Variants in ABHD12 observed in about 807,000 individuals in gnomAD.
The protein encoded by ABHD12 is abhydrolase domain containing 12, lysophospholipase, also known as lysophosphatidylserine lipase ABHD12.
A neutral mutation model predicts 58.3 loss-of-function variants in ABHD12; 43 were observed. That is an observed-to-expected ratio of 0.74 (90% CI 0.58 to 0.95). ABHD12 has a LOEUF of 0.95. Ranked by LOEUF, ABHD12 falls within the 40% of genes least tolerant of loss-of-function variation. ABHD12 has a pLI of 0.00. For synonymous variants in ABHD12, 219 were observed against 211.2 expected, an observed-to-expected ratio of 1.04 and a Z score of -0.32; for missense variants, 539 against 537.2, an observed-to-expected ratio of 1.00 and a Z score of -0.03.
In ABHD12 at chr20:25,390,508, C is replaced by G. The variant is rs1568785275; in HGVS notation, c.191+5G>C. On this transcript the variant is annotated splice_donor_5th_base_variant and intron_variant, in intron 1 of 12. Transcript: ENST00000339157. ...CCCCCCCCCCCGCTCCGCGCGAAGC[C>G]TCACCTGCCCAGCGCCCGCTTCATT... 6.9e-7 allele frequency: 1 copy of G among 1,440,038 alleles called. No homozygotes were observed. Among genetic ancestry groups the G allele is most frequent in the South Asian group, 1.3e-5 (1 of 76,092 alleles). The allele number at this position is 1,440,038 out of a possible 1,614,324, so 89.2% of individuals were successfully genotyped here.
intron 1 of ABHD12, among the ~76,000 whole-genome samples, chr20:25,358,946 G>A (rs915653996): frequency 6.6e-6 from 1 of 152,012 alleles, no homozygotes; most frequent in Non-Finnish European, 1.5e-5. Context: ...AAAAATATAG[G>A]TGTATGAACA....
chr20:25,363,311 C>G (rs959588829), intron 1 of ABHD12, among the ~76,000 whole-genome samples: 7 of 151,336 alleles, frequency 4.6e-5, no homozygotes, highest in Admixed American at 2.6e-4. Context: ...CTCCGCCTCC[C>G]AGGTTCAAAT....
At chr20:25,345,086 CTTT>C (rs766065775) in intron 1 of ABHD12, among the ~76,000 whole-genome samples, 1 of 145,324 alleles carries the variant, frequency 6.9e-6, no homozygotes, top group South Asian at 2.2e-4. Flanking sequence ...ATGACGAAGA[CTTT>C]TTTTTTTTTT....
chr20:25,322,381 A>ATATATATATATATATATTTTTT, intron 3 of ABHD12, among the ~76,000 whole-genome samples: 14 of 59,248 alleles, frequency 2.4e-4, no homozygotes, highest in African/African-American at 3.3e-4. Flanking sequence ...ATATATATAT[A>ATATATATATATATATATTTTTT]TTTTTTTTTT....
At chr20:25,355,837 G>C (rs1461671059) in intron 1 of ABHD12, among the ~76,000 whole-genome samples, 1 of 151,026 alleles carries the variant, frequency 6.6e-6, no homozygotes, top group Admixed American at 6.6e-5. Context: ...GATTACAGGC[G>C]TGAGCCACTG....
At chr20:25,311,252 C>A (rs1433206772) in intron 6 of ABHD12, among the ~76,000 whole-genome samples, 1 of 152,190 alleles carries the variant, frequency 6.6e-6, no homozygotes, top group Non-Finnish European at 1.5e-5. Context: ...CCTGGACAAG[C>A]TGGGTGGGCC....
At chr20:25,331,146 C>T (rs2089267646) in intron 2 of ABHD12, among the ~76,000 whole-genome samples, 1 of 152,146 alleles carries the variant, frequency 6.6e-6, no homozygotes, top group African/African-American at 2.4e-5. Flanking sequence ...AAAACCAAGG[C>T]TCGAGAACTA....
At chr20:25,328,993 A>G (rs2089222171) in intron 2 of ABHD12, among the ~76,000 whole-genome samples, 1 of 152,200 alleles carries the variant, frequency 6.6e-6, no homozygotes. Context: ...ATGAGTGGTG[A>G]GACGGGTTGG....
At position 25,325,203 on chromosome 20, in the gene ABHD12, CAAAAAAA is replaced by C. The variant is rs376306392; in HGVS notation, c.317-1780_317-1774del. 9.2e-5 allele frequency among the ~76,000 whole-genome samples: 7 copies of C among 76,450 alleles called. No individual in the cohort carries two copies. In the East Asian group the frequency reaches 1.6e-3, roughly 18 times the overall value. The allele number at this position is 76,450 out of a possible 152,430, so 50.2% of individuals were successfully genotyped here. On this transcript the variant is annotated intron_variant, in intron 2 of 12. Transcript: ENST00000339157. ...CCTGAGTGACAGAGAGACCCTGTTTCAAAAAAAAAAAAAAAAAAAAAAAAAAAGAACT... is the reference window on the plus strand; with the variant it reads ...CCTGAGTGACAGAGAGACCCTGTTTCAAAAAAAAAAAAAAAAAAAAGAACT...
At chr20:25,354,065 C>T (rs771196220) in intron 1 of ABHD12, among the ~76,000 whole-genome samples, 4 of 152,128 alleles carry the variant, frequency 2.6e-5, no homozygotes, top group Admixed American at 6.6e-5. Context: ...CATCCTGGAG[C>T]GGCCAAATAA....
At chr20:25,390,413 T>C (rs1441817996) in intron 1 of ABHD12, 100 bp downstream of exon 1, 1 of 1,203,482 alleles carries the variant, frequency 8.3e-7, no homozygotes, top group Non-Finnish European at 1.1e-6. Context: ...GGACGGCCAC[T>C]CTGGGAGGGG....
intron 6 of ABHD12, among the ~76,000 whole-genome samples, chr20:25,312,185 G>T (rs971280402): frequency 6.6e-6 from 1 of 151,306 alleles, no homozygotes; most frequent in Non-Finnish European, 1.5e-5. Context: ...CTCTCCCCAC[G>T]GTCTCCCTCT....
At chr20:25,344,399 A>G (rs2089492651) in intron 1 of ABHD12, among the ~76,000 whole-genome samples, 1 of 152,226 alleles carries the variant, frequency 6.6e-6, no homozygotes, top group Non-Finnish European at 1.5e-5. Flanking sequence ...TATACCAGCA[A>G]TGTGAATCCA....
chr20:25,296,387 C>T (rs1446786149), downstream of ABHD12: 1 of 1,614,052 alleles, frequency 6.2e-7, no homozygotes, highest in South Asian at 1.1e-5. Flanking sequence ...AGGAGTGGAC[C>T]AAGAAGGTCA....
At chr20:25,320,444 T>A in intron 3 of ABHD12, 126 bp from the exon 4 acceptor site, 3 of 1,286,622 alleles carry the variant, frequency 2.3e-6, no homozygotes, top group Non-Finnish European at 3.3e-6. Context: ...CCCATCTAAC[T>A]ACAGGGGAAC....
intron 1 of ABHD12, among the ~76,000 whole-genome samples, chr20:25,353,191 G>C (rs924375593): frequency 1.3e-5 from 2 of 150,944 alleles, no homozygotes; most frequent in Middle Eastern, 3.4e-3. Context: ...AAATAAATCA[G>C]AAATCTCATA....
chr20:25,347,804 A>C (rs1056401687), intron 1 of ABHD12, among the ~76,000 whole-genome samples: 1 of 152,152 alleles, frequency 6.6e-6, no homozygotes, highest in Non-Finnish European at 1.5e-5. Context: ...TTGGAAAGGC[A>C]AATTCTGTAA....
intron 4 of ABHD12, 49 bp downstream of exon 4, chr20:25,320,150 A>C: frequency 1.9e-6 from 3 of 1,609,724 alleles, no homozygotes; most frequent in Non-Finnish European, 2.5e-6. Context: ...TTCCCACCCC[A>C]AAAAGGAGCC....
Position 25,320,180 on chromosome 20 carries a change from A to C in ABHD12, c.542+19T>G, listed in dbSNP as rs919705252. 51 of 1,613,416 alleles carry C rather than the reference A, an allele frequency of 3.2e-5. 1 individual carries two copies. The highest frequency in any genetic ancestry group is 4.2e-5 in the Non-Finnish European group (49 of 1,179,968). ...GGAGCCATGCTCCACAGCAAAGATG[A>C]TGGGCTCCTCTCCCTCACCTGGTAC... On this transcript the variant is annotated intron_variant, in intron 4 of 12. Transcript: ENST00000339157.
Sources: gnomAD v4.1 joint callset for allele counts (sites outside exome capture counted in the v4.1 genomes callset) on GRCh38, gnomAD v4.1.1 for gene constraint, MANE v1.5 for transcripts, NCBI Gene and HGNC (gene_info 2026-07-23, HGNC 2026-07-21) for gene names.